Variants in ADAMTS19 observed in about 807,000 individuals in gnomAD.
ADAMTS19 encodes A disintegrin and metalloproteinase with thrombospondin motifs 19.
ADAMTS19 carries 93 observed loss-of-function variants against 153.3 expected under a neutral mutation model. That is an observed-to-expected ratio of 0.61 (90% confidence interval 0.51 to 0.72). The LOEUF is 0.72. Among genes scored for constraint, ADAMTS19 ranks in the 30% least tolerant of loss-of-function variants. ADAMTS19 has a pLI of 0.00. For missense variants in ADAMTS19, 1,482 were observed against 1,552.1 expected (o/e 0.95, Z 0.76); for synonymous variants, 600 against 556.6 (o/e 1.08, Z -1.10).
intron 3 of ADAMTS19, among the ~76,000 whole-genome samples, chr5:129,523,323 G>T (rs1413338507): frequency 6.6e-6 from 1 of 152,056 alleles, no homozygotes; most frequent in Non-Finnish European, 1.5e-5. Flanking sequence ...ATGACTAATT[G>T]AATATACATG....
chr5:129,592,764 AG>A (rs1419896249), intron 7 of ADAMTS19, among the ~76,000 whole-genome samples: 1 of 152,128 alleles, frequency 6.6e-6, no homozygotes, highest in Non-Finnish European at 1.5e-5. Context: ...CTAGTCTATA[AG>A]AAGTTCTACT....
chr5:129,648,364 A>G (rs1403261428), intron 12 of ADAMTS19, among the ~76,000 whole-genome samples: 1 of 152,224 alleles, frequency 6.6e-6, no homozygotes, highest in African/African-American at 2.4e-5. Context: ...CTAGCAAAGT[A>G]TGAGAAAGTC....
At chr5:129,516,256 T>A (rs1751601758) in intron 3 of ADAMTS19, among the ~76,000 whole-genome samples, 1 of 150,546 alleles carries the variant, frequency 6.6e-6, no homozygotes. Context: ...TTTTTTAATT[T>A]ATGTGTCTTT....
intron 13 of ADAMTS19, among the ~76,000 whole-genome samples, chr5:129,651,484 C>G (rs922200464): frequency 6.6e-6 from 1 of 152,160 alleles, no homozygotes; most frequent in Non-Finnish European, 1.5e-5. Flanking sequence ...TTTATAGAAT[C>G]CTATATGGCC....
chr5:129,614,455 T>C (rs1375216315), intron 8 of ADAMTS19, among the ~76,000 whole-genome samples: 1 of 152,154 alleles, frequency 6.6e-6, no homozygotes, highest in Admixed American at 6.6e-5. Flanking sequence ...TCTCAATAGA[T>C]GCAGAAAAGG....
intron 7 of ADAMTS19, 57 bp downstream of exon 7, chr5:129,551,964 G>C (rs1403704493): frequency 7.1e-6 from 8 of 1,127,716 alleles, no homozygotes; most frequent in Non-Finnish European, 1.0e-5. Context: ...CATATCACTT[G>C]TTTAAGTATA....
intron 16 of ADAMTS19, among the ~76,000 whole-genome samples, chr5:129,671,087 A>T (rs1463419754): frequency 6.6e-6 from 1 of 152,202 alleles, no homozygotes; most frequent in Non-Finnish European, 1.5e-5. Flanking sequence ...TTATTCAAAA[A>T]CACATTTCCT....
chr5:129,478,782 G>T (rs1432538547), intron 2 of ADAMTS19, among the ~76,000 whole-genome samples: 1 of 152,030 alleles, frequency 6.6e-6, no homozygotes, highest in African/African-American at 2.4e-5. Flanking sequence ...GAGCTCAAGT[G>T]ATCCTCCTTA....
At chr5:129,537,009 T>G (rs1752459106) in intron 6 of ADAMTS19, among the ~76,000 whole-genome samples, 1 of 151,824 alleles carries the variant, frequency 6.6e-6, no homozygotes, top group Non-Finnish European at 1.5e-5. Flanking sequence ...TGTATACATA[T>G]GTAACTAAGC....
At position 129,566,647 on chromosome 5, in the gene ADAMTS19, C is replaced by T. The variant is rs573925315; in HGVS notation, c.1372+14740C>T. 2.0e-5 allele frequency among the ~76,000 whole-genome samples: 3 copies of T among 152,244 alleles called. No individual in the cohort carries two copies. In the South Asian group the frequency reaches 6.2e-4, roughly 32 times the overall value. On this transcript the variant is annotated intron_variant, in intron 7 of 22. Coordinates refer to ENST00000274487, the MANE Select transcript of ADAMTS19 (RefSeq NM_133638.6). ...GAGATAAAACACTAGGAGAAGCCCT[C>T]CCATTCTGGATTAAGGACCAGGAAG...
rs35764527 is a variant in ADAMTS19, at chr5:129,672,809, TACACAC to T, written c.2507-6937_2507-6932del. Among the ~76,000 whole-genome samples, 30 of 149,990 alleles carry T rather than the reference TACACAC, an allele frequency of 2.0e-4. No individual in the cohort carries two copies. The East Asian group carries it at 4.2e-3, about 21-fold the overall frequency. On this transcript the variant is annotated intron_variant, in intron 16 of 22. Coordinates refer to ENST00000274487, the MANE Select transcript of ADAMTS19 (RefSeq NM_133638.6). ...TGGTTGGCATGTGCAAGTCCAAATC[TACACAC>T]ACACACACACACACACAAATACATA...
intron 6 of ADAMTS19, among the ~76,000 whole-genome samples, chr5:129,532,326 TAAG>T (rs1463365641): frequency 2.0e-5 from 3 of 152,096 alleles, no homozygotes; most frequent in Non-Finnish European, 2.9e-5. Context: ...CTTTTAAAAA[TAAG>T]AAGAAGAAAT....
At chr5:129,616,748 G>A (rs1581150632) in intron 8 of ADAMTS19, among the ~76,000 whole-genome samples, 1 of 152,076 alleles carries the variant, frequency 6.6e-6, no homozygotes, top group African/African-American at 2.4e-5. Flanking sequence ...GTGAGGAGAG[G>A]TGTTGCTGAT....
intron 2 of ADAMTS19, among the ~76,000 whole-genome samples, chr5:129,467,983 T>C (rs951333444): frequency 6.6e-6 from 1 of 152,250 alleles, no homozygotes; most frequent in Non-Finnish European, 1.5e-5. Context: ...ATTACCACAA[T>C]TGAGTGTGTA....
chr5:129,712,714 T>C (rs907736487), intron 21 of ADAMTS19, among the ~76,000 whole-genome samples: 1 of 152,184 alleles, frequency 6.6e-6, no homozygotes, highest in African/African-American at 2.4e-5. Context: ...GTACATTGGC[T>C]GATATGATCG....
chr5:129,567,291 A>G (rs532585528), intron 7 of ADAMTS19, among the ~76,000 whole-genome samples: 1 of 152,306 alleles, frequency 6.6e-6, no homozygotes, highest in South Asian at 2.1e-4. Flanking sequence ...TGTTATAGGT[A>G]AAATGTCTAG....
chr5:129,524,255 G>A (rs77645643), intron 3 of ADAMTS19, among the ~76,000 whole-genome samples: 1,997 of 152,120 alleles, frequency 0.013, 41 homozygotes, highest in African/African-American at 0.045. Context: ...CTAGCCATAC[G>A]CAGAAAACAG....
intron 3 of ADAMTS19, among the ~76,000 whole-genome samples, chr5:129,522,316 TACAC>T (rs1186259435): frequency 1.2e-4 from 11 of 91,952 alleles, no homozygotes; most frequent in African/African-American, 3.3e-4. Flanking sequence ...TATATATATA[TACAC>T]ACACACACAC....
chr5:129,506,182 C>T (rs77108924), intron 2 of ADAMTS19, among the ~76,000 whole-genome samples: 2,588 of 152,186 alleles, frequency 0.017, 74 homozygotes, highest in African/African-American at 0.06. Flanking sequence ...TATAATTCTG[C>T]TTTAATATGA....
Sources: gnomAD v4.1 joint callset for allele counts (sites outside exome capture counted in the v4.1 genomes callset) on GRCh38, gnomAD v4.1.1 for gene constraint, MANE v1.5 for transcripts, NCBI Gene and HGNC (gene_info 2026-07-23, HGNC 2026-07-21) for gene names.